CNTLN: variants seen among roughly 807,000 people sequenced by gnomAD.
CNTLN encodes centlein, also known as centlein, centrosomal protein.
A neutral mutation model predicts 180.0 loss-of-function variants in CNTLN; 212 were observed. That is an observed-to-expected ratio of 1.18 (90% CI 1.05 to 1.32). The LOEUF (loss-of-function observed/expected upper bound fraction) is 1.32. Ranked by LOEUF, CNTLN falls within the 40% of genes most tolerant of loss-of-function variation. The pLI is 0.00. For synonymous variants in CNTLN, 722 were observed against 563.1 expected (o/e 1.28, Z -3.99); for missense variants, 2,095 against 1,610.9 (o/e 1.30, Z -5.14).
intron 6 of CNTLN, among the ~76,000 whole-genome samples, chr9:17,284,601 T>C (rs1249111303): frequency 6.6e-6 from 1 of 152,108 alleles, no homozygotes; most frequent in African/African-American, 2.4e-5. Flanking sequence ...GGGTCAGTGG[T>C]GACATCCCCT....
chr9:17,379,114 A>C (rs1181493315), intron 13 of CNTLN, among the ~76,000 whole-genome samples: 2 of 152,012 alleles, frequency 1.3e-5, no homozygotes, highest in African/African-American at 4.8e-5. Context: ...GTTTCTGATA[A>C]GAATTCTGCT....
At chr9:17,334,803 G>A (rs10046851) in intron 10 of CNTLN, among the ~76,000 whole-genome samples, 90,078 of 151,492 alleles carry the variant, frequency 0.59, 27,017 homozygotes, top group East Asian at 0.73. Context: ...TTCTTATTGG[G>A]TACTGTGTTC....
intron 18 of CNTLN, among the ~76,000 whole-genome samples, chr9:17,425,183 C>A (rs932341840): frequency 2.6e-5 from 4 of 152,104 alleles, no homozygotes; most frequent in Non-Finnish European, 5.9e-5. Flanking sequence ...ATTATTGCTA[C>A]AGACTGAATT....
chr9:17,154,768 A>G (rs1199283054), intron 2 of CNTLN, among the ~76,000 whole-genome samples: 2 of 152,212 alleles, frequency 1.3e-5, no homozygotes, highest in African/African-American at 4.8e-5. Flanking sequence ...AAATGGACCA[A>G]TCAGCGCTCT....
chr9:17,505,230 A>G (rs12377369), downstream of CNTLN, among the ~76,000 whole-genome samples: 28,810 of 152,090 alleles, frequency 0.19, 3,135 homozygotes, highest in Non-Finnish European at 0.25. Flanking sequence ...GTATGTAATG[A>G]TGAAGACCAA....
At chr9:17,336,796 T>C (rs1320270438) in intron 10 of CNTLN, among the ~76,000 whole-genome samples, 1 of 152,194 alleles carries the variant, frequency 6.6e-6, no homozygotes, top group Non-Finnish European at 1.5e-5. Context: ...CATGGTGGTT[T>C]GCTGCACCCA....
intron 5 of CNTLN, among the ~76,000 whole-genome samples, chr9:17,266,525 G>T (rs1026949560): frequency 2.6e-5 from 4 of 152,150 alleles, no homozygotes; most frequent in African/African-American, 9.7e-5. Context: ...TTGATTTGGG[G>T]TGGAGAGTTC....
intron 8 of CNTLN, among the ~76,000 whole-genome samples, chr9:17,322,476 A>G (rs991838784): frequency 3.9e-5 from 6 of 152,152 alleles, no homozygotes; most frequent in African/African-American, 1.4e-4. Context: ...GCTTACTTTA[A>G]GTTCCAAGCA....
At chr9:17,426,786 G>T (rs1587964394) in intron 18 of CNTLN, among the ~76,000 whole-genome samples, 1 of 151,944 alleles carries the variant, frequency 6.6e-6, no homozygotes, top group African/African-American at 2.4e-5. Flanking sequence ...TTAATTTGCA[G>T]CTCAGCAAAT....
chr9:17,309,935 A>T (rs966028870), intron 8 of CNTLN, among the ~76,000 whole-genome samples: 1 of 151,992 alleles, frequency 6.6e-6, no homozygotes, highest in Non-Finnish European at 1.5e-5. Context: ...TCAGTAATGG[A>T]TTGTAATTTT....
chr9:17,135,723 C>G (rs1227278579), intron 1 of CNTLN, among the ~76,000 whole-genome samples: 1 of 152,228 alleles, frequency 6.6e-6, no homozygotes, highest in Non-Finnish European at 1.5e-5. Context: ...CCCCCCAAGC[C>G]CAAGTTCTTG....
intron 3 of CNTLN, 50 bp from the exon 4 acceptor site, chr9:17,235,608 G>T (rs1206295635): frequency 1.4e-6 from 2 of 1,406,012 alleles, no homozygotes; most frequent in Admixed American, 2.5e-5. Context: ...ATAAAATACT[G>T]TTTTTCTTAG....
chr9:17,513,010 G>GCA, the CNTLN span, among the ~76,000 whole-genome samples: 4 of 150,904 alleles, frequency 2.7e-5, no homozygotes, highest in Non-Finnish European at 4.4e-5. Flanking sequence ...AGTAGAGATG[G>GCA]GGGTTTCACC....
Position 17,386,812 on chromosome 9 carries a change from T to C in CNTLN, c.1988-1350T>C, listed in dbSNP as rs143455927. Among the ~76,000 whole-genome samples, 772 of 152,332 alleles carry C rather than the reference T, an allele frequency of 5.1e-3. 13 individuals carry two copies. Among genetic ancestry groups the C allele is most frequent in the African/African-American group, 0.018 (735 of 41,580 alleles). On this transcript the variant is annotated intron_variant, in intron 13 of 25. Transcript: ENST00000380647. ...ATCCCATGCTCTTTGAATATAGAACTATTATTTTTAAGATGAAATATTTCA... is the reference window on the plus strand; with the variant it reads ...ATCCCATGCTCTTTGAATATAGAACCATTATTTTTAAGATGAAATATTTCA...
chr9:17,204,914 C>G (rs1230529649), intron 2 of CNTLN, among the ~76,000 whole-genome samples: 1 of 152,206 alleles, frequency 6.6e-6, no homozygotes, highest in African/African-American at 2.4e-5. Context: ...GAGTAGCAGT[C>G]TGGCCACAAC....
intron 2 of CNTLN, among the ~76,000 whole-genome samples, chr9:17,180,004 AATGATTAC>A (rs1036944565): frequency 6.6e-6 from 1 of 152,078 alleles, no homozygotes; most frequent in African/African-American, 2.4e-5. Flanking sequence ...TCTTTTGAAG[AATGATTAC>A]ATATCTTTTT....
intron 6 of CNTLN, among the ~76,000 whole-genome samples, chr9:17,294,552 A>C (rs961495705): frequency 1.3e-5 from 2 of 150,778 alleles, no homozygotes; most frequent in Non-Finnish European, 3.0e-5. Context: ...TGGTGTGTTT[A>C]CAATCCCTTA....
chr9:17,337,884 T>G (rs1026184474), intron 10 of CNTLN, among the ~76,000 whole-genome samples: 3 of 152,204 alleles, frequency 2.0e-5, no homozygotes, highest in African/African-American at 7.2e-5. Context: ...TTACTCAGTT[T>G]CTGATGACTC....
chr9:17,190,809 AAATTAT>A lies in CNTLN; in HGVS notation c.450-35386_450-35381del, dbSNP rs536573344. Reference sequence around the variant, plus strand: ...GATTAGGAAGAGTGAGGCTGTAGGAAAATTATAATTATAGCAATTAAGAACTACCAG... The same window carrying A: ...GATTAGGAAGAGTGAGGCTGTAGGAAAATTATAGCAATTAAGAACTACCAG... On this transcript the variant is annotated intron_variant, in intron 2 of 25. Coordinates refer to ENST00000380647, the MANE Select transcript of CNTLN (RefSeq NM_017738.4). 3.8e-3 allele frequency among the ~76,000 whole-genome samples: 584 copies of A among 152,320 alleles called. 5 individuals are homozygous for A. The highest frequency in any genetic ancestry group is 7.3e-3 in the Non-Finnish European group (496 of 68,010).
Sources: gnomAD v4.1 joint callset for allele counts (sites outside exome capture counted in the v4.1 genomes callset) on GRCh38, gnomAD v4.1.1 for gene constraint, MANE v1.5 for transcripts, NCBI Gene and HGNC (gene_info 2026-07-23, HGNC 2026-07-21) for gene names.